Variants in NAT10 observed in about 807,000 individuals in gnomAD.
NAT10 encodes RNA cytidine acetyltransferase.
In NAT10, 109 loss-of-function variants were observed where a neutral mutation model predicts 132.2. That is an observed-to-expected ratio of 0.82 (90% confidence interval 0.71 to 0.97). NAT10 has a LOEUF of 0.97. Ranked by LOEUF, NAT10 falls within the 50% of genes least tolerant of loss-of-function variation. The probability of loss-of-function intolerance (pLI) is 0.00; values close to 1 mark genes in which losing one functional copy is unlikely to be tolerated. For synonymous variants in NAT10, 479 were observed against 478.0 expected, an observed-to-expected ratio of 1.00 and a Z score of -0.03; for missense variants, 1,184 against 1,263.4, an observed-to-expected ratio of 0.94 and a Z score of 0.95.
chr11:34,129,599 C>CTTTTTTTTTT (rs71037399), intron 12 of NAT10, among the ~76,000 whole-genome samples: 3 of 56,726 alleles, frequency 5.3e-5, no homozygotes, highest in East Asian at 1.2e-3. Context: ...TCTTCTTCTT[C>CTTTTTTTTTT]TTTTTTTTTT....
chr11:34,136,630 G>A lies in NAT10; in HGVS notation c.2029-12G>A, dbSNP rs186955500. On this transcript the variant is annotated splice_polypyrimidine_tract_variant and intron_variant, in intron 19 of 28. Transcript: ENST00000257829. ...CTGAATGGACTGTGTTCTCTCCTTG[G>A]CATCTTCCCAGGCTGTCAGCTTGTT... 246 of 1,614,064 alleles carry A rather than the reference G, an allele frequency of 1.5e-4. 3 individuals are homozygous for A. The East Asian group carries it at 2.7e-3, about 17-fold the overall frequency.
chr11:34,135,395 C>T (rs970530294), intron 19 of NAT10, 104 bp downstream of exon 19: 2 of 838,542 alleles, frequency 2.4e-6, no homozygotes, highest in Non-Finnish European at 3.9e-6. Context: ...TTGGACCCCT[C>T]TCTCATTTTC....
At chr11:34,115,940 A>T in intron 6 of NAT10, 56 bp downstream of exon 6, 1 of 1,565,772 alleles carries the variant, frequency 6.4e-7, no homozygotes, top group Admixed American at 1.7e-5. Flanking sequence ...GGACATTTTT[A>T]TCTTGGACTC....
chr11:34,129,963 G>A (rs1474355228), intron 12 of NAT10, among the ~76,000 whole-genome samples: 5 of 152,076 alleles, frequency 3.3e-5, no homozygotes, highest in African/African-American at 7.2e-5. Flanking sequence ...TTTGTTGCTT[G>A]TGCTTACTCT....
chr11:34,137,286 A>C lies in NAT10; in HGVS notation c.2211+260A>C, dbSNP rs1448862253. Among the ~76,000 whole-genome samples, 4 of 152,238 alleles carry C rather than the reference A, an allele frequency of 2.6e-5. No homozygotes were observed. In the East Asian group the frequency reaches 7.7e-4, roughly 29 times the overall value. ...GGCAGAGGTACACGTGGACTTGTTC[A>C]TCAGATTCTGGGAAAGGAGAGTGGA... On this transcript the variant is annotated intron_variant, in intron 21 of 28. Transcript: ENST00000257829.
intron 19 of NAT10, among the ~76,000 whole-genome samples, 186 bp downstream of exon 19, chr11:34,135,477 T>C (rs536722152): frequency 1.3e-5 from 2 of 152,286 alleles, no homozygotes; most frequent in East Asian, 3.9e-4. Flanking sequence ...GGCAGCTTGT[T>C]AAAAATGTAA....
intron 5 of NAT10, among the ~76,000 whole-genome samples, chr11:34,115,006 A>G (rs1452093853): frequency 6.6e-6 from 1 of 152,134 alleles, no homozygotes; most frequent in Admixed American, 6.5e-5. Context: ...TACAAAAAAA[A>G]TTAACCAGGT....
rs201043547 is a variant in NAT10, at chr11:34,131,333, A to G, written c.1370-48A>G. 9.3e-5 allele frequency: 145 copies of G among 1,566,544 alleles called. 1 individual carries two copies. Among genetic ancestry groups the G allele is most frequent in the Middle Eastern group, 6.8e-4 (4 of 5,848 alleles). On this transcript the variant is annotated intron_variant, in intron 13 of 28. Coordinates refer to ENST00000257829, the MANE Select transcript of NAT10 (RefSeq NM_024662.3). ...TTTTCCTTGCTTTTTTAGACAATACATATTTAATCATTGTTTCTTCTTTTG... is the reference window on the plus strand; with the variant it reads ...TTTTCCTTGCTTTTTTAGACAATACGTATTTAATCATTGTTTCTTCTTTTG...
At chr11:34,112,715 A>G (rs1851716291) in intron 4 of NAT10, among the ~76,000 whole-genome samples, 1 of 152,118 alleles carries the variant, frequency 6.6e-6, no homozygotes, top group African/African-American at 2.4e-5. Context: ...TACCTCTCAG[A>G]GACTACTTGG....
rs551153538 is a variant in NAT10 at position 34,122,795 on chromosome 11, G to A, written c.914+203G>A. ...CCACCCTAAAGGTGCATGTTTACTTGTGTGTACACACAGACACATATATAC... is the reference window on the plus strand; with the variant it reads ...CCACCCTAAAGGTGCATGTTTACTTATGTGTACACACAGACACATATATAC... On this transcript the variant is annotated intron_variant, in intron 9 of 28. Coordinates refer to ENST00000257829, the MANE Select transcript of NAT10 (RefSeq NM_024662.3). 5.3e-5 allele frequency among the ~76,000 whole-genome samples: 8 copies of A among 152,322 alleles called. No homozygotes were observed. The South Asian group carries it at 6.2e-4, about 12-fold the overall frequency.
At chr11:34,124,512 T>C in intron 11 of NAT10, 112 bp downstream of exon 11, 1 of 701,864 alleles carries the variant, frequency 1.4e-6, no homozygotes, top group East Asian at 2.9e-5. Context: ...TGCATGTCTT[T>C]TAGACAATGG....
chr11:34,109,200 T>A (rs1180826158), intron 3 of NAT10, among the ~76,000 whole-genome samples: 1 of 152,146 alleles, frequency 6.6e-6, no homozygotes, highest in Non-Finnish European at 1.5e-5. Context: ...CCTCATCCCA[T>A]GTCCAAGGAA....
At chr11:34,129,755 T>A (rs1279272829) in intron 12 of NAT10, among the ~76,000 whole-genome samples, 2 of 151,820 alleles carry the variant, frequency 1.3e-5, no homozygotes, top group Non-Finnish European at 2.9e-5. Flanking sequence ...ATTACAGGTG[T>A]GTACCACCAT....
At chr11:34,127,133 G>A (rs1002145249) in intron 11 of NAT10, among the ~76,000 whole-genome samples, 3 of 152,142 alleles carry the variant, frequency 2.0e-5, no homozygotes, top group African/African-American at 7.2e-5. Context: ...CACTGGGCAG[G>A]GCATCTTTAT....
chr11:34,113,928 A>G lies in NAT10; in HGVS notation c.495+90A>G. ...TTTCTTTAAAGAATTCCTGTTGGGCAGCTCCAGTGAGTAGTCAGCACAGCC... is the reference window on the plus strand; with the variant it reads ...TTTCTTTAAAGAATTCCTGTTGGGCGGCTCCAGTGAGTAGTCAGCACAGCC... On this transcript the variant is annotated intron_variant, in intron 5 of 28. Coordinates refer to ENST00000257829, the MANE Select transcript of NAT10 (RefSeq NM_024662.3). 4 of 1,491,428 alleles carry G rather than the reference A, an allele frequency of 2.7e-6. No homozygotes were observed. In the South Asian group the frequency reaches 3.8e-5, roughly 14 times the overall value. The allele number at this position is 1,491,428 out of a possible 1,614,324, so 92.4% of individuals were successfully genotyped here.
rs1851938247 is a variant in NAT10 at position 34,123,846 on chromosome 11, G to A, written c.999G>A (p.Leu333=). ...TTGTATTTAAAGGATTTGATGCTCTGCAATATCAGGTAGGAAATTTGGATT... is the reference window on the plus strand; with the variant it reads ...TTGTATTTAAAGGATTTGATGCTCTACAATATCAGGTAGGAAATTTGGATT... ...FEFVFKGFDA[L]QYQEHLDYEI... is the part of the protein sequence containing the mutation. Residue 333 remains leucine (L), a synonymous_variant, in exon 10 of 29, where the codon CTG becomes CTA. Coordinates refer to ENST00000257829, the MANE Select transcript of NAT10 (RefSeq NM_024662.3). 1 of 1,605,860 alleles carries A rather than the reference G, an allele frequency of 6.2e-7. No individual in the cohort carries two copies. The highest frequency in any genetic ancestry group is 1.1e-5 in the South Asian group (1 of 90,888).
At chr11:34,123,294 C>A (rs938412071) in intron 9 of NAT10, among the ~76,000 whole-genome samples, 1 of 152,224 alleles carries the variant, frequency 6.6e-6, no homozygotes, top group Non-Finnish European at 1.5e-5. Flanking sequence ...GTCCTTCGTT[C>A]TTCCTGCTGC....
chr11:34,116,950 C>T (rs186629478), intron 6 of NAT10, among the ~76,000 whole-genome samples: 8 of 151,860 alleles, frequency 5.3e-5, no homozygotes, highest in Non-Finnish European at 1.0e-4. Flanking sequence ...AGGCTGGTGT[C>T]GAACTCCTGA....
Position 34,146,234 on chromosome 11 carries a change from ACT to A in NAT10, c.*46_*47del. On this transcript the variant is annotated 3_prime_UTR_variant, in exon 29 of 29. Coordinates refer to ENST00000257829, the MANE Select transcript of NAT10 (RefSeq NM_024662.3). Reference sequence around the variant, plus strand: ...CATCTGTGTTTGATCATGGGAAGATACTCTCACTAACTGAACCCTCTCTGGCT... The same window carrying A: ...CATCTGTGTTTGATCATGGGAAGATACTCACTAACTGAACCCTCTCTGGCT... 1 of 1,379,290 alleles carries A rather than the reference ACT, an allele frequency of 7.3e-7. No homozygotes were observed. The highest frequency in any genetic ancestry group is 1.0e-6 in the Non-Finnish European group (1 of 998,302). The allele number at this position is 1,379,290 out of a possible 1,614,324, so 85.4% of individuals were successfully genotyped here. A position where few individuals can be genotyped will look rare whatever the true frequency, so the allele number is the denominator to read the frequency against.
Sources: allele counts gnomAD v4.1 joint callset (sites outside exome capture counted in the v4.1 genomes callset), GRCh38; gene constraint gnomAD v4.1.1; transcripts MANE v1.5; gene names NCBI Gene and HGNC (gene_info 2026-07-23, HGNC 2026-07-21).